Variants in MARCHF11 observed in about 807,000 individuals in gnomAD.
MARCHF11 encodes membrane associated ring-CH-type finger 11, also known as E3 ubiquitin-protein ligase MARCHF11.
Under a neutral mutation model 37.3 loss-of-function variants are expected in MARCHF11, and 29 were observed. The ratio of observed to expected loss-of-function variants is 0.78; its 90% CI spans 0.58 to 1.06. MARCHF11 has a LOEUF of 1.06. Ranked by LOEUF, MARCHF11 falls within the 50% of genes least tolerant of loss-of-function variation. MARCHF11 has a pLI of 0.00. For synonymous variants in MARCHF11, 233 were observed against 228.0 expected, an observed-to-expected ratio of 1.02 and a Z score of -0.20; for missense variants, 482 against 533.4, an observed-to-expected ratio of 0.90 and a Z score of 0.95.
chr5:16,163,215 A>G (rs1738114711), intron 2 of MARCHF11, among the ~76,000 whole-genome samples: 1 of 151,998 alleles, frequency 6.6e-6, no homozygotes, highest in African/African-American at 2.4e-5. Context: ...CTAGAAAAGA[A>G]CAGGTTTCCA....
intron 2 of MARCHF11, among the ~76,000 whole-genome samples, chr5:16,127,463 T>C (rs138061695): frequency 4.5e-4 from 69 of 152,218 alleles, no homozygotes; most frequent in Non-Finnish European, 6.5e-4. Context: ...AAACGGAACT[T>C]TTTACTGGAT....
At chr5:16,135,071 T>C (rs1737585839) in intron 2 of MARCHF11, among the ~76,000 whole-genome samples, 1 of 151,588 alleles carries the variant, frequency 6.6e-6, no homozygotes, top group Non-Finnish European at 1.5e-5. Flanking sequence ...TAGAGGTCAG[T>C]TCCTGGCCAG....
rs141266814 is a variant in MARCHF11 at position 16,121,276 on chromosome 5, G to A, written c.694-30195C>T. 5.2e-4 allele frequency among the ~76,000 whole-genome samples: 79 copies of A among 152,200 alleles called. 2 individuals are homozygous for A. The highest frequency in any genetic ancestry group is 1.8e-3 in the African/African-American group (76 of 41,528). On this transcript the variant is annotated intron_variant, in intron 2 of 3. Transcript: ENST00000332432. ...CCTTTGTTTTTTTTGCCTGAGGTTT[G>A]TCACCGTGTGACGTACTATATTTAC...
intron 2 of MARCHF11, among the ~76,000 whole-genome samples, chr5:16,174,638 C>T (rs1738325484): frequency 6.6e-6 from 1 of 152,192 alleles, no homozygotes. Context: ...TGTGAAAGTG[C>T]TTGAGGATAT....
Position 16,123,075 on chromosome 5 carries a change from A to T in MARCHF11, c.694-31994T>A, listed in dbSNP as rs145560563. 4.6e-5 allele frequency among the ~76,000 whole-genome samples: 7 copies of T among 152,266 alleles called. No individual in the cohort carries two copies. In the East Asian group the frequency reaches 1.3e-3, roughly 29 times the overall value. On this transcript the variant is annotated intron_variant, in intron 2 of 3. Coordinates refer to ENST00000332432, the MANE Select transcript of MARCHF11 (RefSeq NM_001102562.3). ...CTTCAAAGTCAGCTCCTCCAGCGCA[A>T]GTCCATTCCCTCTTCCGAACCCTTT...
rs143903594 is a variant in MARCHF11 at position 16,167,408 on chromosome 5, A to G, written c.693+10318T>C. ...GATCCAGTGTTTCAGCTGAAGTCCA[A>G]AGAAAATAATGATGTTCCAGCATGA... On this transcript the variant is annotated intron_variant, in intron 2 of 3. Coordinates refer to ENST00000332432, the MANE Select transcript of MARCHF11 (RefSeq NM_001102562.3). Among the ~76,000 whole-genome samples the G allele has an allele frequency of 5.0e-3, 760 of 152,208 alleles. 7 individuals carry two copies. The highest frequency in any genetic ancestry group is 0.017 in the African/African-American group (727 of 41,552).
intron 3 of MARCHF11, among the ~76,000 whole-genome samples, chr5:16,080,184 C>A (rs1388582388): frequency 6.6e-6 from 1 of 152,206 alleles, no homozygotes; most frequent in Non-Finnish European, 1.5e-5. Flanking sequence ...GTCTCGCATC[C>A]ATCCACGTTA....
At chr5:16,146,095 G>A (rs1408517113) in intron 2 of MARCHF11, among the ~76,000 whole-genome samples, 3 of 152,108 alleles carry the variant, frequency 2.0e-5, no homozygotes, top group African/African-American at 7.2e-5. Context: ...AGAAGAAAAT[G>A]TCTTGATTTT....
intron 2 of MARCHF11, among the ~76,000 whole-genome samples, chr5:16,101,218 C>A (rs1024888138): frequency 2.6e-5 from 4 of 152,122 alleles, no homozygotes; most frequent in African/African-American, 7.2e-5. Flanking sequence ...ATTTAACAGT[C>A]TAGAAGTTGA....
At chr5:16,136,748 T>A (rs1327300861) in intron 2 of MARCHF11, among the ~76,000 whole-genome samples, 1 of 152,154 alleles carries the variant, frequency 6.6e-6, no homozygotes, top group Admixed American at 6.6e-5. Context: ...GCAATTTAAG[T>A]TTATTAAAAA....
intron 2 of MARCHF11, among the ~76,000 whole-genome samples, chr5:16,127,461 C>A (rs759232799): frequency 2.6e-5 from 4 of 152,136 alleles, no homozygotes; most frequent in South Asian, 2.1e-4. Flanking sequence ...GCAAACGGAA[C>A]TTTTTACTGG....
Position 16,179,454 on chromosome 5 carries a change from G to A in MARCHF11, c.122C>T (p.Pro41Leu). Reference protein sequence around the residue: ...PPTPPPGEPAPVPAAPRYLPP... With the variant: ...PPTPPPGEPALVPAAPRYLPP... ...CAGGTAGCGCGGGGCCGCGGGGACC[G>A]GGGCCGGCTCTCCCGGCGGCGGCGT... is the stretch of plus-strand genomic sequence containing the variant. Residue 41 changes from proline to leucine, a missense_variant, in exon 1 of 4, where the codon CCG (proline) becomes CTG (leucine). Physicochemically the swap from Pro to Leu is moderately conservative, Grantham distance 98. Transcript: ENST00000332432. 8.9e-7 allele frequency: 1 copy of A among 1,117,898 alleles called. No homozygotes were observed. Among genetic ancestry groups the A allele is most frequent in the Non-Finnish European group, 1.1e-6 (1 of 916,322 alleles). The allele number at this position is 1,117,898 out of a possible 1,614,324, so 69.2% of individuals were successfully genotyped here.
At chr5:16,078,909 T>C (rs1487128485) in intron 3 of MARCHF11, among the ~76,000 whole-genome samples, 2 of 152,132 alleles carry the variant, frequency 1.3e-5, no homozygotes, top group African/African-American at 4.8e-5. Flanking sequence ...CTGAGCCTCA[T>C]GTGTTTGGAA....
At chr5:16,138,046 C>T (rs1737636429) in intron 2 of MARCHF11, among the ~76,000 whole-genome samples, 1 of 152,126 alleles carries the variant, frequency 6.6e-6, no homozygotes. Context: ...AAAGAAACAC[C>T]CATTTCTGAG....
intron 2 of MARCHF11, among the ~76,000 whole-genome samples, chr5:16,128,992 T>C (rs1191472858): frequency 6.6e-6 from 1 of 152,206 alleles, no homozygotes; most frequent in African/African-American, 2.4e-5. Context: ...TTTGCACATA[T>C]GGCCACATCC....
intron 2 of MARCHF11, among the ~76,000 whole-genome samples, chr5:16,108,254 G>C (rs756909498): frequency 6.6e-6 from 1 of 152,088 alleles, no homozygotes; most frequent in Non-Finnish European, 1.5e-5. Context: ...GGGCAGGGCT[G>C]GAGCCCAAAG....
chr5:16,067,414 T>C lies in MARCHF11; in HGVS notation c.*57A>G, dbSNP rs891183881. ...GAAGTGCTATGGTTTTGCCATTCAC[T>C]GCAATTACATTGCAAAATGTGCAGG... is the stretch of plus-strand genomic sequence containing the variant. On this transcript the variant is annotated 3_prime_UTR_variant, in exon 4 of 4. Coordinates refer to ENST00000332432, the MANE Select transcript of MARCHF11 (RefSeq NM_001102562.3). 8.6e-6 allele frequency: 13 copies of C among 1,515,738 alleles called. No individual in the cohort carries two copies. The highest frequency in any genetic ancestry group is 1.4e-5 in the African/African-American group (1 of 72,622). The allele number at this position is 1,515,738 out of a possible 1,614,324, so 93.9% of individuals were successfully genotyped here.
chr5:16,130,795 C>T (rs1311034670), intron 2 of MARCHF11, among the ~76,000 whole-genome samples: 7 of 152,244 alleles, frequency 4.6e-5, no homozygotes, highest in African/African-American at 1.2e-4. Flanking sequence ...CATGAACTGA[C>T]GGTCTAACCC....
chr5:16,101,717 G>C (rs1736961496), intron 2 of MARCHF11, among the ~76,000 whole-genome samples: 1 of 152,234 alleles, frequency 6.6e-6, no homozygotes, highest in African/African-American at 2.4e-5. Flanking sequence ...GGAGTTGAAA[G>C]CTACCTTTGC....
Sources: allele counts gnomAD v4.1 joint callset (sites outside exome capture counted in the v4.1 genomes callset), GRCh38; gene constraint gnomAD v4.1.1; transcripts MANE v1.5; gene names NCBI Gene and HGNC (gene_info 2026-07-23, HGNC 2026-07-21).